The following ITGA1 variants were observed in gnomAD, a reference collection of about 807,000 sequenced individuals.
ITGA1 encodes integrin subunit alpha 1.
A neutral mutation model predicts 145.9 loss-of-function variants in ITGA1; 85 were observed. The ratio of observed to expected loss-of-function variants is 0.58; its 90% CI spans 0.49 to 0.70. The LOEUF is 0.70. Among genes scored for constraint, ITGA1 ranks in the 30% least tolerant of loss-of-function variants. The pLI is 0.00. For missense variants in ITGA1, 1,351 were observed against 1,418.7 expected (o/e 0.95, Z 0.77); for synonymous variants, 520 against 495.3 (o/e 1.05, Z -0.66).
chr5:52,942,617 G>A (rs562549655), intron 26 of ITGA1, among the ~76,000 whole-genome samples: 4 of 148,576 alleles, frequency 2.7e-5, no homozygotes, highest in Non-Finnish European at 4.4e-5. Context: ...TGCAAGCTCC[G>A]CCTCCCGGGT....
intron 1 of ITGA1, among the ~76,000 whole-genome samples, chr5:52,792,059 T>C (rs531731842): frequency 6.6e-6 from 1 of 152,348 alleles, no homozygotes; most frequent in Non-Finnish European, 1.5e-5. Context: ...GTCAATCTTT[T>C]ATTTCCATGA....
In ITGA1 at chr5:52,893,815, G is replaced by C; in HGVS notation, c.1065G>C (p.Leu355=). 1 of 1,611,382 alleles carries C rather than the reference G, an allele frequency of 6.2e-7. No homozygotes were observed. Among genetic ancestry groups the C allele is most frequent in the Non-Finnish European group, 8.5e-7 (1 of 1,178,362 alleles). The change falls in exon 9 of 29, where the codon CTG becomes CTC. Residue 355 remains leucine (L), a synonymous_variant. Transcript: ENST00000282588. The part of the protein sequence containing the change: ...ELALVTIVKT[L]GERIFALEAT... ...CTCTAGTCACCATTGTTAAAACTCT[G>C]GGAGAAAGAATATTTGCCCTGGAAG...
intron 18 of ITGA1, among the ~76,000 whole-genome samples, chr5:52,924,645 G>A (rs1041243985): frequency 2.0e-5 from 3 of 152,204 alleles, no homozygotes; most frequent in South Asian, 2.1e-4. Context: ...TGGTTGGAGG[G>A]AAACAGGTGG....
intron 14 of ITGA1, among the ~76,000 whole-genome samples, chr5:52,911,033 CTGTATATACTATATATACTAT>C (rs1561245894): frequency 0.051 from 363 of 7,076 alleles, 3 homozygotes; most frequent in African/African-American, 0.26. Context: ...AGTATGTATA[CTGTATATACTATATATACTAT>C]ACATAGTGTA....
At chr5:52,847,757 G>T (rs1749360325) in intron 1 of ITGA1, among the ~76,000 whole-genome samples, 1 of 152,184 alleles carries the variant, frequency 6.6e-6, no homozygotes, top group Non-Finnish European at 1.5e-5. Context: ...ATTTCATCCT[G>T]TTGACCAGGT....
At chr5:52,864,143 C>T (rs957176761) in intron 3 of ITGA1, 1 of 152,128 alleles carries the variant, frequency 6.6e-6, no homozygotes. Context: ...GAAAGTGAAA[C>T]TTCTTGCCAA....
chr5:52,858,630 T>A (rs1405797522), intron 2 of ITGA1, among the ~76,000 whole-genome samples: 1 of 152,200 alleles, frequency 6.6e-6, no homozygotes, highest in East Asian at 1.9e-4. Flanking sequence ...AAACTGTTTT[T>A]AACTGTAAAA....
At chr5:52,865,180 T>A (rs1749667916) in intron 5 of ITGA1, 98 bp downstream of exon 5, 1 of 837,548 alleles carries the variant, frequency 1.2e-6, no homozygotes, top group Non-Finnish European at 1.8e-6. Flanking sequence ...TTAAAGTATT[T>A]TCTTAGCTAC....
chr5:52,913,132 T>TA (rs1341648940), intron 14 of ITGA1, among the ~76,000 whole-genome samples: 4 of 151,828 alleles, frequency 2.6e-5, no homozygotes, highest in Admixed American at 6.6e-5. Flanking sequence ...TTGAAACAGT[T>TA]AAAAAAAAGA....
chr5:52,836,658 C>T (rs1399873254), intron 1 of ITGA1, among the ~76,000 whole-genome samples: 16 of 152,066 alleles, frequency 1.1e-4, no homozygotes, highest in Non-Finnish European at 8.8e-5. Context: ...AGATCTGCTG[C>T]TCCTGGCCCA....
At chr5:52,949,503 G>A (rs987001498) in intron 28 of ITGA1, among the ~76,000 whole-genome samples, 1 of 152,062 alleles carries the variant, frequency 6.6e-6, no homozygotes, top group Non-Finnish European at 1.5e-5. Context: ...AAAGCAAAGG[G>A]AGGTAAAGTG....
rs1378433331 is a variant in ITGA1, at chr5:52,925,497, C to A, written c.2613+10C>A. 1.3e-6 allele frequency: 2 copies of A among 1,586,364 alleles called. No homozygotes were observed. Among genetic ancestry groups the A allele is most frequent in the East Asian group, 2.2e-5 (1 of 44,728 alleles). On this transcript the variant is annotated intron_variant, in intron 19 of 28. Transcript: ENST00000282588. ...TTTTTCAGGAATTGAGGTAAACTTC[C>A]AGTTTTTCATTTATTTGTTCTCTTA...
rs1751317199 is a variant in ITGA1, at chr5:52,957,112, A to C, written c.*4661A>C. ...ATCTTTGATCCTCAGGTTAAAATTTAATCTTAAATTTAGAAATTCAAAGTA... is the reference window on the plus strand; with the variant it reads ...ATCTTTGATCCTCAGGTTAAAATTTCATCTTAAATTTAGAAATTCAAAGTA... On this transcript the variant is annotated 3_prime_UTR_variant, in exon 29 of 29. Coordinates refer to ENST00000282588, the MANE Select transcript of ITGA1 (RefSeq NM_181501.2). 1 of 152,192 alleles carries C rather than the reference A, an allele frequency of 6.6e-6. No homozygotes were observed. The highest frequency in any genetic ancestry group is 1.9e-4 in the East Asian group (1 of 5,196). 9.4% of individuals were successfully genotyped at this position (152,192 alleles called of 1,614,324 possible). A position where few individuals can be genotyped will look rare whatever the true frequency, so the allele number is the denominator to read the frequency against.
intron 22 of ITGA1, 77 bp from the exon 23 acceptor site, chr5:52,933,817 T>C (rs1750925715): frequency 9.5e-6 from 6 of 628,552 alleles, no homozygotes; most frequent in Non-Finnish European, 1.6e-5. Flanking sequence ...TTACATGATA[T>C]GGAGAAAGAA....
At chr5:52,825,817 C>G (rs563071679) in intron 1 of ITGA1, among the ~76,000 whole-genome samples, 1 of 151,654 alleles carries the variant, frequency 6.6e-6, no homozygotes, top group South Asian at 2.1e-4. Context: ...ACTTGGGAGG[C>G]TGAGGCAGGA....
chr5:52,887,794 TTTTG>T lies in ITGA1; in HGVS notation c.774-15_774-12del. 2.5e-6 allele frequency: 4 copies of T among 1,602,696 alleles called. No homozygotes were observed. The highest frequency in any genetic ancestry group is 3.4e-6 in the Non-Finnish European group (4 of 1,173,110). ...TAAAGTGGTGTCTTATCAACCTCTC[TTTTG>T]TTTGTGATTACTTTAGAAAGGAGGC... On this transcript the variant is annotated splice_polypyrimidine_tract_variant and intron_variant, in intron 7 of 28. Transcript: ENST00000282588.
chr5:52,825,718 G>T (rs1042021567), intron 1 of ITGA1, among the ~76,000 whole-genome samples: 5 of 152,292 alleles, frequency 3.3e-5, no homozygotes, highest in African/African-American at 1.2e-4. Flanking sequence ...AGGAGATCGA[G>T]ACCATTCTGG....
rs770749440 is a variant in ITGA1, at chr5:52,918,924, C to A, written c.2155+26C>A. The A allele has an allele frequency of 2.6e-6, 4 of 1,561,912 alleles. No homozygotes were observed. In the African/African-American group the frequency reaches 5.5e-5, roughly 21 times the overall value. On this transcript the variant is annotated intron_variant, in intron 16 of 28. Coordinates refer to ENST00000282588, the MANE Select transcript of ITGA1 (RefSeq NM_181501.2). ...GTAAGCAAAATAATTATAGCAAGTA[C>A]TTTTGGGTAGAGGACAATATATTTG... is the stretch of plus-strand genomic sequence containing the variant.
At chr5:52,870,301 A>G (rs1269025185) in intron 6 of ITGA1, among the ~76,000 whole-genome samples, 3 of 152,332 alleles carry the variant, frequency 2.0e-5, no homozygotes, top group Non-Finnish European at 4.4e-5. Flanking sequence ...TATGTATTCT[A>G]TCTCTGTTTC....
Sources: allele counts gnomAD v4.1 joint callset (sites outside exome capture counted in the v4.1 genomes callset), GRCh38; gene constraint gnomAD v4.1.1; transcripts MANE v1.5; gene names NCBI Gene and HGNC (gene_info 2026-07-23, HGNC 2026-07-21).